Variants in RGS7 observed in about 807,000 individuals in gnomAD.
RGS7 encodes regulator of G-protein signaling 7.
RGS7 carries 27 observed loss-of-function variants against 81.1 expected under a neutral mutation model. That is an observed-to-expected ratio of 0.33 (90% CI 0.25 to 0.46). The LOEUF (loss-of-function observed/expected upper bound fraction) is 0.46, where lower values mean the gene tolerates loss of function less well. Ranked by LOEUF, RGS7 falls within the 20% of genes least tolerant of loss-of-function variation. The pLI is 1.00. For missense variants in RGS7, 396 were observed against 607.4 expected (o/e 0.65, Z 3.66); for synonymous variants, 208 against 207.7 (o/e 1.00, Z -0.01).
In RGS7 at chr1:241,052,751, T is replaced by A. The variant is rs535768112; in HGVS notation, c.175+45915A>T. Among the ~76,000 whole-genome samples the A allele has an allele frequency of 3.1e-4, 47 of 152,186 alleles. 1 individual carries two copies. Among genetic ancestry groups the A allele is most frequent in the African/African-American group, 9.4e-4 (39 of 41,556 alleles). On this transcript the variant is annotated intron_variant, in intron 3 of 18. Coordinates refer to ENST00000440928, the MANE Select transcript of RGS7 (RefSeq NM_001364886.1). Reference sequence around the variant, plus strand: ...AGCTATTCCCTGACGCAAAGCAATTTTCTCGGAGGAAATGATCTTAGAATT... The same window carrying A: ...AGCTATTCCCTGACGCAAAGCAATTATCTCGGAGGAAATGATCTTAGAATT...
chr1:241,073,250 G>A (rs1050351021), intron 3 of RGS7, among the ~76,000 whole-genome samples: 5 of 151,966 alleles, frequency 3.3e-5, no homozygotes, highest in East Asian at 1.9e-4. Flanking sequence ...ACCACCTTTC[G>A]AACATTTCTT....
intron 2 of RGS7, among the ~76,000 whole-genome samples, chr1:241,323,648 A>G (rs1216938448): frequency 6.6e-6 from 1 of 152,210 alleles, no homozygotes; most frequent in Non-Finnish European, 1.5e-5. Context: ...AATCAGTAGA[A>G]AACAGGCAGA....
chr1:240,943,236 A>G (rs1257048878), intron 4 of RGS7, among the ~76,000 whole-genome samples: 1 of 152,214 alleles, frequency 6.6e-6, no homozygotes, highest in South Asian at 2.1e-4. Context: ...TACAAAGGCT[A>G]TGCCAGTCCC....
chr1:241,086,742 T>C (rs376081550), intron 3 of RGS7, among the ~76,000 whole-genome samples: 28 of 152,342 alleles, frequency 1.8e-4, no homozygotes, highest in Non-Finnish European at 4.0e-4. Flanking sequence ...ATTCTAACTG[T>C]TGTCTTCTGC....
At chr1:240,871,106 A>T (rs1294190550) in intron 6 of RGS7, among the ~76,000 whole-genome samples, 3 of 152,190 alleles carry the variant, frequency 2.0e-5, no homozygotes, top group Non-Finnish European at 2.9e-5. Flanking sequence ...TGACAAACTC[A>T]AGGCATTCAC....
intron 2 of RGS7, among the ~76,000 whole-genome samples, chr1:241,323,373 C>T (rs768778103): frequency 1.3e-5 from 2 of 152,206 alleles, no homozygotes; most frequent in East Asian, 1.9e-4. Context: ...CGCCTGTCAG[C>T]GCCTGTGGAG....
chr1:240,952,835 G>GC (rs368476997), intron 4 of RGS7, among the ~76,000 whole-genome samples: 1 of 6,126 alleles, frequency 1.6e-4, no homozygotes, highest in Non-Finnish European at 0.012. Context: ...TATGTTAAAA[G>GC]GGGGGAAAAG....
At chr1:241,170,251 T>G (rs1026513177) in intron 2 of RGS7, among the ~76,000 whole-genome samples, 4 of 152,208 alleles carry the variant, frequency 2.6e-5, no homozygotes, top group African/African-American at 4.8e-5. Context: ...CCCAAAGATT[T>G]GAAATAACAG....
chr1:241,194,829 T>A (rs1354774511), intron 2 of RGS7, among the ~76,000 whole-genome samples: 1 of 151,860 alleles, frequency 6.6e-6, no homozygotes, highest in Non-Finnish European at 1.5e-5. Flanking sequence ...GGCTTGGAGG[T>A]TGACAGGAGT....
At chr1:241,166,428 G>A (rs1029423532) in intron 2 of RGS7, among the ~76,000 whole-genome samples, 3 of 152,024 alleles carry the variant, frequency 2.0e-5, no homozygotes, top group African/African-American at 4.8e-5. Flanking sequence ...GGCAGGAAGC[G>A]AAAGGATGAC....
At chr1:241,289,963 T>A (rs571311338) in intron 2 of RGS7, among the ~76,000 whole-genome samples, 1 of 152,268 alleles carries the variant, frequency 6.6e-6, no homozygotes, top group South Asian at 2.1e-4. Context: ...TAGCTTAGAG[T>A]GAATCTTCTG....
At chr1:241,335,396 T>A (rs79170059) in intron 2 of RGS7, among the ~76,000 whole-genome samples, 2,839 of 151,444 alleles carry the variant, frequency 0.019, 98 homozygotes, top group African/African-American at 0.066. Flanking sequence ...ATTCTGGAAT[T>A]GGAGAAAAAA....
At chr1:241,100,374 CAAAAAAAA>C (rs753787286) in intron 2 of RGS7, among the ~76,000 whole-genome samples, 23 of 80,494 alleles carry the variant, frequency 2.9e-4, no homozygotes, top group East Asian at 1.7e-3. Flanking sequence ...GACTCCATTT[CAAAAAAAA>C]AAAAAAAAAA....
intron 2 of RGS7, among the ~76,000 whole-genome samples, chr1:241,326,639 TAACA>T (rs2081510915): frequency 3.7e-5 from 4 of 108,346 alleles, no homozygotes; most frequent in Non-Finnish European, 8.2e-5. Context: ...GAATCAAAAA[TAACA>T]GTAGAAAAAG....
At chr1:241,342,544 T>A (rs1325058717) in intron 2 of RGS7, among the ~76,000 whole-genome samples, 8 of 152,150 alleles carry the variant, frequency 5.3e-5, no homozygotes, top group Non-Finnish European at 1.2e-4. Flanking sequence ...TAAGTAAATG[T>A]AAAAAGCAAT....
rs1331798801 is a variant in RGS7, at chr1:241,164,247, CCAGAAGCTCT to C, written c.79-65495_79-65486del. On this transcript the variant is annotated intron_variant, in intron 2 of 18. Coordinates refer to ENST00000440928, the MANE Select transcript of RGS7 (RefSeq NM_001364886.1). The surrounding 1 kb of genome is among the most constrained non-coding windows in gnomAD (Gnocchi z 4.1). ...CAGGAACTGCCACATGTTCAGCTAT[CCAGAAGCTCT>C]CAGAACCCTATCCTCTTTTTTTTTT... is the stretch of plus-strand genomic sequence containing the variant. 6.7e-6 allele frequency among the ~76,000 whole-genome samples: 1 copy of C among 148,342 alleles called. No individual in the cohort carries two copies. Among genetic ancestry groups the C allele is most frequent in the Non-Finnish European group, 1.5e-5 (1 of 67,548 alleles).
intron 6 of RGS7, among the ~76,000 whole-genome samples, chr1:240,884,030 C>G (rs1174284527): frequency 7.5e-6 from 1 of 133,488 alleles, no homozygotes; most frequent in Non-Finnish European, 1.5e-5. Context: ...GAGCTGAGAT[C>G]ACGCCATTGC....
intron 4 of RGS7, among the ~76,000 whole-genome samples, chr1:240,975,803 G>A (rs1683980303): frequency 6.6e-6 from 1 of 152,222 alleles, no homozygotes; most frequent in African/African-American, 2.4e-5. Flanking sequence ...TCAACCCGAA[G>A]GATAGTAGGA....
At chr1:240,982,107 GTTTTACATA>G (rs1474262755) in intron 4 of RGS7, among the ~76,000 whole-genome samples, 1 of 151,992 alleles carries the variant, frequency 6.6e-6, no homozygotes, top group Admixed American at 6.6e-5. Flanking sequence ...CGTGTGAAAG[GTTTTACATA>G]TTTTAAAAAA....
Sources: allele counts gnomAD v4.1 joint callset (sites outside exome capture counted in the v4.1 genomes callset), GRCh38; gene constraint gnomAD v4.1.1; non-coding constraint Gnocchi (gnomAD v3.1); transcripts MANE v1.5; gene names NCBI Gene and HGNC (gene_info 2026-07-23, HGNC 2026-07-21).